Variants in PTPRR observed in about 807,000 individuals in gnomAD.
The protein encoded by PTPRR is receptor-type tyrosine-protein phosphatase R.
In PTPRR, 38 loss-of-function variants were observed where a neutral mutation model predicts 77.2. The observed-to-expected ratio is 0.49, with a 90% CI of 0.38 to 0.65. The LOEUF (loss-of-function observed/expected upper bound fraction) is 0.65, where lower values mean the gene tolerates loss of function less well. Among genes scored for constraint, PTPRR ranks in the 30% least tolerant of loss-of-function variants. The probability of loss-of-function intolerance (pLI) is 0.00; values close to 1 mark genes in which losing one functional copy is unlikely to be tolerated. For missense variants in PTPRR, 744 were observed against 799.2 expected (o/e 0.93, Z 0.83); for synonymous variants, 299 against 283.1 (o/e 1.06, Z -0.57).
intron 9 of PTPRR, 70 bp downstream of exon 9, chr12:70,684,634 G>A (rs1040489936): frequency 1.8e-6 from 2 of 1,130,260 alleles, no homozygotes. Flanking sequence ...TCTACTCTAG[G>A]AAAAAGAAAA....
intron 2 of PTPRR, among the ~76,000 whole-genome samples, chr12:70,789,556 C>T (rs573209992): frequency 1.3e-5 from 2 of 152,028 alleles, no homozygotes; most frequent in African/African-American, 4.8e-5. Flanking sequence ...ATACCATATG[C>T]ATACCATTAT....
intron 2 of PTPRR, among the ~76,000 whole-genome samples, chr12:70,815,697 C>T (rs1046973759): frequency 1.3e-5 from 2 of 152,134 alleles, no homozygotes; most frequent in African/African-American, 4.8e-5. Flanking sequence ...TAGGTTGTTA[C>T]TTCTGACTGA....
Position 70,904,782 on chromosome 12 carries a change from A to C in PTPRR, c.59-11805T>G, listed in dbSNP as rs142370166. 7.6e-3 allele frequency among the ~76,000 whole-genome samples: 1,158 copies of C among 152,054 alleles called. 9 individuals are homozygous for C. Among genetic ancestry groups the C allele is most frequent in the Middle Eastern group, 0.027 (8 of 294 alleles). ...CATAAGAAATATCATTGATGAATTT[A>C]TAAAAAGTAGTTTCAGTGTGTTGGG... On this transcript the variant is annotated intron_variant, in intron 1 of 13. Transcript: ENST00000283228.
At chr12:70,760,719 G>A (rs948395384) in intron 4 of PTPRR, among the ~76,000 whole-genome samples, 7 of 152,046 alleles carry the variant, frequency 4.6e-5, no homozygotes, top group African/African-American at 1.2e-4. Flanking sequence ...AATTTCTATG[G>A]GCCATACTTT....
intron 2 of PTPRR, among the ~76,000 whole-genome samples, chr12:70,765,817 T>C (rs1472848920): frequency 6.6e-6 from 1 of 152,082 alleles, no homozygotes; most frequent in African/African-American, 2.4e-5. Context: ...GAGACAAAAC[T>C]TCAAGAGGAA....
At chr12:70,902,132 C>G (rs1424372974) in intron 1 of PTPRR, among the ~76,000 whole-genome samples, 1 of 151,694 alleles carries the variant, frequency 6.6e-6, no homozygotes, top group African/African-American at 2.4e-5. Context: ...CTTACTCGTG[C>G]AAGAATGGCC....
intron 2 of PTPRR, among the ~76,000 whole-genome samples, chr12:70,766,061 G>A (rs1305002109): frequency 1.3e-5 from 2 of 152,040 alleles, no homozygotes; most frequent in Non-Finnish European, 2.9e-5. Flanking sequence ...ACAAAGATGG[G>A]GAAAAAACAG....
chr12:70,643,560 T>C (rs1056012297), intron 13 of PTPRR, among the ~76,000 whole-genome samples: 1 of 152,118 alleles, frequency 6.6e-6, no homozygotes, highest in African/African-American at 2.4e-5. Context: ...AATATATTTA[T>C]GGAATAAATG....
intron 2 of PTPRR, among the ~76,000 whole-genome samples, chr12:70,783,875 GCGGGGGGC>G (rs1891260357): frequency 6.4e-5 from 4 of 62,842 alleles, no homozygotes; most frequent in African/African-American, 1.5e-4. Flanking sequence ...GGGGGGGGGG[GCGGGGGGC>G]GGGGGTTGGC....
chr12:70,654,645 C>G (rs1295646506), intron 13 of PTPRR, among the ~76,000 whole-genome samples: 1 of 152,222 alleles, frequency 6.6e-6, no homozygotes, highest in Non-Finnish European at 1.5e-5. Context: ...TTTATTACTT[C>G]ACAGCATTTA....
chr12:70,785,702 A>G (rs1891306283), intron 2 of PTPRR, among the ~76,000 whole-genome samples: 1 of 152,180 alleles, frequency 6.6e-6, no homozygotes, highest in Non-Finnish European at 1.5e-5. Flanking sequence ...ATATTTTTAT[A>G]AAAGTTACAG....
intron 6 of PTPRR, among the ~76,000 whole-genome samples, chr12:70,713,565 CT>C (rs35168919): frequency 2.1e-4 from 29 of 140,576 alleles, no homozygotes; most frequent in African/African-American, 4.0e-4. Flanking sequence ...TTGCTGCTGC[CT>C]TTTTTTTTTT....
intron 1 of PTPRR, among the ~76,000 whole-genome samples, chr12:70,901,440 C>G (rs563973542): frequency 6.6e-6 from 1 of 151,572 alleles, no homozygotes; most frequent in Non-Finnish European, 1.5e-5. Flanking sequence ...AATACAGAAC[C>G]TGGAAATAAA....
At chr12:70,821,617 T>G (rs1163785648) in intron 2 of PTPRR, among the ~76,000 whole-genome samples, 1 of 151,972 alleles carries the variant, frequency 6.6e-6, no homozygotes, top group African/African-American at 2.4e-5. Context: ...GAGCTTACTC[T>G]GTGAGGGAGA....
intron 2 of PTPRR, among the ~76,000 whole-genome samples, chr12:70,790,179 C>A (rs775633567): frequency 2.3e-4 from 35 of 152,128 alleles, no homozygotes; most frequent in Non-Finnish European, 2.8e-4. Flanking sequence ...AGCTACCATT[C>A]CTTTTTTTAA....
chr12:70,857,945 T>C (rs951439332), intron 2 of PTPRR, among the ~76,000 whole-genome samples: 1 of 152,034 alleles, frequency 6.6e-6, no homozygotes, highest in Non-Finnish European at 1.5e-5. Flanking sequence ...GCTGCTCAGA[T>C]CTCCCTTCAA....
At chr12:70,741,467 G>A (rs1890043504) in intron 6 of PTPRR, among the ~76,000 whole-genome samples, 1 of 152,182 alleles carries the variant, frequency 6.6e-6, no homozygotes, top group African/African-American at 2.4e-5. Context: ...ATGCTTGAAT[G>A]CCCCTCCCTG....
chr12:70,889,673 A>G (rs1472056276), intron 2 of PTPRR, among the ~76,000 whole-genome samples: 1 of 152,052 alleles, frequency 6.6e-6, no homozygotes, highest in African/African-American at 2.4e-5. Flanking sequence ...CTATGTGCTC[A>G]CAGAATGCTT....
intron 2 of PTPRR, among the ~76,000 whole-genome samples, chr12:70,879,731 A>G (rs1893116776): frequency 6.6e-6 from 1 of 152,218 alleles, no homozygotes; most frequent in Admixed American, 6.5e-5. Context: ...TTCAGACTCA[A>G]CTTGTCCACA....
Sources: allele counts gnomAD v4.1 joint callset (sites outside exome capture counted in the v4.1 genomes callset), GRCh38; gene constraint gnomAD v4.1.1; transcripts MANE v1.5; gene names NCBI Gene and HGNC (gene_info 2026-07-23, HGNC 2026-07-21).